The following ADAMTS2 variants were observed in gnomAD, a reference collection of about 807,000 sequenced individuals.
ADAMTS2 encodes the protein A disintegrin and metalloproteinase with thrombospondin motifs 2.
Under a neutral mutation model 123.0 loss-of-function variants are expected in ADAMTS2, and 50 were observed. The observed-to-expected ratio is 0.41, with a 90% CI of 0.32 to 0.51. ADAMTS2 has a LOEUF of 0.51. ADAMTS2 is among the 20% of genes least tolerant of loss of function. The pLI is 0.35. For missense variants in ADAMTS2, 1,494 were observed against 1,705.2 expected (o/e 0.88, Z 2.18); for synonymous variants, 678 against 695.4 (o/e 0.98, Z 0.39).
Position 179,225,200 on chromosome 5 carries a change from G to T in ADAMTS2, c.689-17485C>A, listed in dbSNP as rs1765252195. On this transcript the variant is annotated intron_variant, in intron 3 of 21. Transcript: ENST00000251582. The surrounding 1 kb of genome is among the most constrained non-coding windows in gnomAD (Gnocchi z 4.5). ...TGGACTCTCAATTCAGCCCCGCACAGCCAAGGGCTCACCCACATCATGTGC... is the reference window on the plus strand; with the variant it reads ...TGGACTCTCAATTCAGCCCCGCACATCCAAGGGCTCACCCACATCATGTGC... Among the ~76,000 whole-genome samples the T allele has an allele frequency of 6.6e-6, 1 of 152,314 alleles. No homozygotes were observed.
At chr5:179,240,720 C>T (rs1055349407) in intron 3 of ADAMTS2, among the ~76,000 whole-genome samples, 1 of 152,196 alleles carries the variant, frequency 6.6e-6, no homozygotes, top group Non-Finnish European at 1.5e-5. Flanking sequence ...CGTGTCAGTG[C>T]GTGTGGATCT....
rs960559386 is a variant in ADAMTS2 at position 179,188,422 on chromosome 5, T to A, written c.892-7267A>T. 4.6e-5 allele frequency among the ~76,000 whole-genome samples: 7 copies of A among 152,298 alleles called. No homozygotes were observed. The highest frequency in any genetic ancestry group is 1.4e-4 in the African/African-American group (6 of 41,574). On this transcript the variant is annotated intron_variant, in intron 4 of 21. Transcript: ENST00000251582. This position sits in a 1 kb window ranked among gnomAD's most constrained non-coding sequence, Gnocchi z 5.1. ...CCAGGAGCAGGGGACAGAGGTCTGC[T>A]GGCCTCCGTGGAGGAAGAGTTTAGG...
At chr5:179,341,672 G>A (rs1005755518) in intron 2 of ADAMTS2, among the ~76,000 whole-genome samples, 38 of 147,892 alleles carry the variant, frequency 2.6e-4, no homozygotes, top group African/African-American at 7.6e-4. Flanking sequence ...CTGAGATCGC[G>A]CCACTGCACT....
In ADAMTS2 at chr5:179,117,553, ATTT is replaced by A. The variant is rs202081869; in HGVS notation, c.3179-3232_3179-3230del. On this transcript the variant is annotated intron_variant, in intron 21 of 21. Transcript: ENST00000251582. This position sits in a 1 kb window ranked among gnomAD's most constrained non-coding sequence, Gnocchi z 4.2. Reference sequence around the variant, plus strand: ...TATTGGATCAGGCCCATGCCCATGCATTTTTTTTTTTTTTTTTGAGATGAAGTC... The same window carrying A: ...TATTGGATCAGGCCCATGCCCATGCATTTTTTTTTTTTTTGAGATGAAGTC... 3.9e-4 allele frequency among the ~76,000 whole-genome samples: 52 copies of A among 134,864 alleles called. No homozygotes were observed. Among genetic ancestry groups the A allele is most frequent in the African/African-American group, 1.4e-3 (51 of 37,154 alleles). The allele number at this position is 134,864 out of a possible 152,430, so 88.5% of individuals were successfully genotyped here.
chr5:179,341,714 CAAAAA>C (rs36096225), intron 2 of ADAMTS2, among the ~76,000 whole-genome samples: 19,046 of 65,128 alleles, frequency 0.29, 1,514 homozygotes, highest in East Asian at 0.49. Context: ...GACTCCGTCT[CAAAAA>C]AAAAAAAAAA....
In ADAMTS2 at chr5:179,153,518, G is replaced by A. The variant is rs147438064; in HGVS notation, c.1488C>T (p.Phe496=). Residue 496 remains phenylalanine (F), a synonymous_variant, in exon 9 of 22, where the codon TTC becomes TTT. Transcript: ENST00000251582. ...CCGTGCACATCATGTAGCCCAGGCC[G>A]AAGTCAAAGCGGCATTGCTCGTTCA... ...YSMNEQCRFD[F]GLGYMMCTAF... The A allele has an allele frequency of 2.7e-3, 4,396 of 1,610,534 alleles. 9 individuals are homozygous for A. Among genetic ancestry groups the A allele is most frequent in the Non-Finnish European group, 3.4e-3 (3,970 of 1,179,876 alleles).
chr5:179,299,195 T>C (rs959936338), intron 2 of ADAMTS2, among the ~76,000 whole-genome samples: 2 of 151,796 alleles, frequency 1.3e-5, no homozygotes, highest in African/African-American at 4.8e-5. Context: ...AACGGTTAGT[T>C]TGTATAGCTG....
intron 3 of ADAMTS2, among the ~76,000 whole-genome samples, chr5:179,269,695 C>T (rs979037004): frequency 6.6e-5 from 10 of 152,130 alleles, no homozygotes; most frequent in African/African-American, 2.4e-4. Flanking sequence ...AGGACTCCCT[C>T]CTCAACAGTC....
chr5:179,254,907 G>T (rs1259271215), intron 3 of ADAMTS2, among the ~76,000 whole-genome samples: 4 of 152,216 alleles, frequency 2.6e-5, no homozygotes, highest in African/African-American at 9.6e-5. Context: ...TGCCCAGCAG[G>T]GCGCTGGCCT....
intron 21 of ADAMTS2, 124 bp downstream of exon 21, chr5:179,121,530 TCACCCCA>T: frequency 1.5e-6 from 1 of 650,676 alleles, no homozygotes; most frequent in Non-Finnish European, 2.5e-6. Context: ...GAGAAAACGG[TCACCCCA>T]GAGCGCGCCC....
chr5:179,343,342 A>G (rs932101459), intron 2 of ADAMTS2, among the ~76,000 whole-genome samples: 1 of 152,224 alleles, frequency 6.6e-6, no homozygotes, highest in Admixed American at 6.5e-5. Flanking sequence ...TACGTGCACA[A>G]GAGACACTGG....
intron 3 of ADAMTS2, among the ~76,000 whole-genome samples, chr5:179,247,040 C>T (rs534716543): frequency 1.3e-5 from 2 of 152,274 alleles, no homozygotes; most frequent in South Asian, 4.1e-4. Flanking sequence ...AAAAGACCTT[C>T]CCTGAGGAAG....
intron 2 of ADAMTS2, among the ~76,000 whole-genome samples, chr5:179,297,594 C>T (rs902418752): frequency 5.9e-5 from 9 of 152,142 alleles, no homozygotes; most frequent in African/African-American, 1.7e-4. Flanking sequence ...CTCAAGACCC[C>T]GGCTTCCCTC....
In ADAMTS2 at chr5:179,128,647, C is replaced by T. The variant is rs1414726505; in HGVS notation, c.2458-529G>A. ...ACCTCAAGTGATCCACCCGCCTCGG[C>T]CTCCCAAAGTACTGGGATTACAGGC... On this transcript the variant is annotated intron_variant, in intron 16 of 21. Transcript: ENST00000251582. This position sits in a 1 kb window ranked among gnomAD's most constrained non-coding sequence, Gnocchi z 4.9. 6.6e-6 allele frequency among the ~76,000 whole-genome samples: 1 copy of T among 152,190 alleles called. No individual in the cohort carries two copies. The highest frequency in any genetic ancestry group is 1.5e-5 in the Non-Finnish European group (1 of 68,042).
intron 10 of ADAMTS2, among the ~76,000 whole-genome samples, chr5:179,142,148 G>A (rs9687070): frequency 0.64 from 96,827 of 151,948 alleles, 30,947 homozygotes; most frequent in African/African-American, 0.67. Flanking sequence ...GAAACAGAGC[G>A]TGGAGGATGT....
At chr5:179,152,093 T>A in intron 10 of ADAMTS2, 49 bp downstream of exon 10, 1 of 1,555,586 alleles carries the variant, frequency 6.4e-7, no homozygotes, top group Non-Finnish European at 8.9e-7. Context: ...CACCTAAGAT[T>A]CCTGTCCTCT....
At chr5:179,245,314 C>T (rs1765759071) in intron 3 of ADAMTS2, among the ~76,000 whole-genome samples, 1 of 152,176 alleles carries the variant, frequency 6.6e-6, no homozygotes, top group Admixed American at 6.5e-5. Flanking sequence ...GAACAAAACC[C>T]TGCCAAAACC....
intron 10 of ADAMTS2, 69 bp downstream of exon 10, chr5:179,152,073 G>A (rs184147781): frequency 7.0e-7 from 1 of 1,436,602 alleles, no homozygotes; most frequent in East Asian, 2.3e-5. Flanking sequence ...CCTGTCCCTG[G>A]TGACCCGGGC....
At chr5:179,292,609 C>T (rs2113545928) in intron 2 of ADAMTS2, among the ~76,000 whole-genome samples, 1 of 152,128 alleles carries the variant, frequency 6.6e-6, no homozygotes, top group Admixed American at 6.5e-5. Context: ...AAATATATGC[C>T]CAGGGCCCCA....
Sources: allele counts gnomAD v4.1 joint callset (sites outside exome capture counted in the v4.1 genomes callset), GRCh38; gene constraint gnomAD v4.1.1; non-coding constraint Gnocchi (gnomAD v3.1); transcripts MANE v1.5; gene names NCBI Gene and HGNC (gene_info 2026-07-23, HGNC 2026-07-21).